Variants in LARP6 observed in about 807,000 individuals in gnomAD.
LARP6 encodes the protein la-related protein 6.
In LARP6, 18 loss-of-function variants were observed where a neutral mutation model predicts 32.8. That is an observed-to-expected ratio of 0.55 (90% CI 0.38 to 0.81). LARP6 has a LOEUF of 0.81. Among genes scored for constraint, LARP6 ranks in the 40% least tolerant of loss-of-function variants. LARP6 has a pLI of 0.00. For synonymous variants in LARP6, 289 were observed against 267.2 expected, an observed-to-expected ratio of 1.08 and a Z score of -0.80; for missense variants, 598 against 663.1, an observed-to-expected ratio of 0.90 and a Z score of 1.08.
In LARP6 at chr15:70,849,383, A is replaced by ACAAT. The variant is rs966553276; in HGVS notation, c.200+4505_200+4506insATTG. 15 of 156,890 alleles carry ACAAT rather than the reference A, an allele frequency of 9.6e-5. 1 individual carries two copies. Among genetic ancestry groups the ACAAT allele is most frequent in the Admixed American group, 1.3e-4 (2 of 15,354 alleles). 9.7% of individuals were successfully genotyped at this position (156,890 alleles called of 1,614,324 possible). On this transcript the variant is annotated intron_variant, in intron 1 of 2. Transcript: ENST00000299213. ...AAAAACAAAACAAACAAACAAACAA[A>ACAAT]CAAACAAAAAAATATATATATATTT...
chr15:70,832,656 A>G lies in LARP6; in HGVS notation c.872T>C (p.Ile291Thr), dbSNP rs1250776733. 3.7e-6 allele frequency: 6 copies of G among 1,609,870 alleles called. No individual in the cohort carries two copies. Among genetic ancestry groups the G allele is most frequent in the East Asian group, 2.2e-5 (1 of 44,852 alleles). The change falls in exon 3 of 3, where the codon ATT (isoleucine) becomes ACT (threonine). Residue 291 changes from isoleucine (I) to threonine (T), a missense_variant. Physicochemically the swap from Ile to Thr is moderately conservative, Grantham distance 89. Around this residue, in one of 3 missense-constraint regions of LARP6, gnomAD observed 368 missense variants for 397.9 expected, o/e 0.92. Transcript: ENST00000299213. Reference protein sequence around the residue: ...QGKENMKAVLIGMKPPKKKPA... With the variant: ...QGKENMKAVLTGMKPPKKKPA... ...TTTCTTTTTGGGTGGCTTCATACCA[A>G]TCAGGACAGCTTTCATGTTCTCTTT...
chr15:70,848,291 G>A (rs936104035), intron 1 of LARP6, among the ~76,000 whole-genome samples: 5 of 152,182 alleles, frequency 3.3e-5, no homozygotes, highest in African/African-American at 4.8e-5. Context: ...CTTCTGCCAT[G>A]CTGTTCTGGC....
At chr15:70,838,443 C>T (rs935583285) in intron 1 of LARP6, among the ~76,000 whole-genome samples, 57 of 152,150 alleles carry the variant, frequency 3.7e-4, no homozygotes, top group African/African-American at 1.4e-3. Flanking sequence ...AAACTCAAAT[C>T]CTCTGTCTCC....
In LARP6 at chr15:70,830,675, A is replaced by G. The variant is rs1203678273; in HGVS notation, c.*1377T>C. The G allele has an allele frequency of 1.3e-5, 2 of 152,232 alleles. No individual in the cohort carries two copies. Among genetic ancestry groups the G allele is most frequent in the African/African-American group, 2.4e-5 (1 of 41,466 alleles). The allele number at this position is 152,232 out of a possible 1,614,324, so 9.4% of individuals were successfully genotyped here. ...CTCTTGTAGTTTTTGGGCAGATTAAATGAGATAATGCATGGAAAGCTCTTA... is the reference window on the plus strand; with the variant it reads ...CTCTTGTAGTTTTTGGGCAGATTAAGTGAGATAATGCATGGAAAGCTCTTA... On this transcript the variant is annotated 3_prime_UTR_variant, in exon 3 of 3. Coordinates refer to ENST00000299213, the MANE Select transcript of LARP6 (RefSeq NM_018357.4).
At chr15:70,850,654 G>T (rs535570702) in intron 1 of LARP6, among the ~76,000 whole-genome samples, 1 of 152,276 alleles carries the variant, frequency 6.6e-6, no homozygotes, top group African/African-American at 2.4e-5. Flanking sequence ...CTCCTTAATC[G>T]AATGGTCAAA....
Position 70,854,021 on chromosome 15 carries a change from T to G in LARP6, c.68A>C (p.Gln23Pro). 2 of 1,455,394 alleles carry G rather than the reference T, an allele frequency of 1.4e-6. No individual in the cohort carries two copies. Among genetic ancestry groups the G allele is most frequent in the Non-Finnish European group, 9.1e-7 (1 of 1,097,786 alleles). 90.2% of individuals were successfully genotyped at this position (1,455,394 alleles called of 1,614,324 possible). A position where few individuals can be genotyped will look rare whatever the true frequency, so the allele number is the denominator to read the frequency against. The change falls in exon 1 of 3, where the codon CAG becomes CCG. Residue 23 changes from glutamine to proline, a missense_variant. Gln to Pro is a moderately conservative substitution (Grantham distance 76). This residue lies in a region of LARP6 where 161 missense variants were observed against 148.6 expected (regional missense o/e 1.08). Coordinates refer to ENST00000299213, the MANE Select transcript of LARP6 (RefSeq NM_018357.4). Reference protein sequence around the residue: ...KTAVQIRVAIQEAEDVDELED... With the variant: ...KTAVQIRVAIPEAEDVDELED... ...CAACTCGTCCACGTCCTCGGCCTCC[T>G]GGATGGCGACGCGGATCTGCACCGC...
chr15:70,853,691 G>C (rs545371462), intron 1 of LARP6, among the ~76,000 whole-genome samples, 198 bp downstream of exon 1: 82 of 152,252 alleles, frequency 5.4e-4, no homozygotes, highest in Middle Eastern at 6.8e-3. Context: ...GTTGGGCGAC[G>C]AAGCTGCGGG....
chr15:70,832,937 C>T lies in LARP6; in HGVS notation c.591G>A (p.Leu197=), dbSNP rs770505926. Residue 197 remains leucine (L), a synonymous_variant, in exon 3 of 3, where the codon CTG becomes CTA. Coordinates refer to ENST00000299213, the MANE Select transcript of LARP6 (RefSeq NM_018357.4). The part of the protein sequence containing the change: ...LVYDLYLSPK[L]WALATPQKNG... ...TCTTCTGGGGGGTGGCCAGAGCCCA[C>T]AGCTTAGGAGACAAGTAGAGATCAT... 1.2e-5 allele frequency: 19 copies of T among 1,603,504 alleles called. 1 individual carries two copies. The highest frequency in any genetic ancestry group is 2.2e-5 in the South Asian group (2 of 89,368).
intron 2 of LARP6, among the ~76,000 whole-genome samples, chr15:70,835,297 C>T (rs2032126537): frequency 6.6e-6 from 1 of 152,216 alleles, no homozygotes; most frequent in East Asian, 1.9e-4. Context: ...TGTGTTCTCT[C>T]TTTTGTCCTA....
Position 70,832,881 on chromosome 15 carries a change from T to G in LARP6, c.647A>C (p.His216Pro). The stretch of plus-strand genomic sequence containing the variant: ...AAAAGTCCCAAAAAGCTTGAGCAGG[T>G]GTTCCATCACCTTCTCTTGCACCCT... ...NGRVQEKVMEHLLKLFGTFGV... is the reference protein window; with the variant it reads ...NGRVQEKVMEPLLKLFGTFGV... Residue 216 changes from histidine to proline, a missense_variant, in exon 3 of 3, where the codon CAC becomes CCC. Transcript: ENST00000299213. 1 of 1,609,342 alleles carries G rather than the reference T, an allele frequency of 6.2e-7. No homozygotes were observed. Among genetic ancestry groups the G allele is most frequent in the Non-Finnish European group, 8.5e-7 (1 of 1,178,190 alleles).
chr15:70,851,893 C>A (rs951788767), intron 1 of LARP6: 4 of 1,010,228 alleles, frequency 4.0e-6, no homozygotes, highest in East Asian at 5.4e-5. Flanking sequence ...ATCAGTCAAT[C>A]AGAGGACCTA....
chr15:70,837,498 A>G (rs918539998), intron 1 of LARP6, among the ~76,000 whole-genome samples: 2 of 152,126 alleles, frequency 1.3e-5, no homozygotes, highest in African/African-American at 4.8e-5. Context: ...TCTCTACTCC[A>G]TCCCCTCAAA....
intron 2 of LARP6, 93 bp downstream of exon 2, chr15:70,836,202 A>G: frequency 9.9e-7 from 1 of 1,005,234 alleles, no homozygotes; most frequent in East Asian, 2.4e-5. Context: ...ATTGTTCGTC[A>G]TCAGGTTTCA....
At chr15:70,833,991 G>A (rs2032102418) in intron 2 of LARP6, among the ~76,000 whole-genome samples, 1 of 152,186 alleles carries the variant, frequency 6.6e-6, no homozygotes, top group African/African-American at 2.4e-5. Flanking sequence ...CCCACTTCCG[G>A]TGAAGGGAAT....
Position 70,836,525 on chromosome 15 carries a change from C to T in LARP6, c.201-20G>A, listed in dbSNP as rs1308148239. The T allele has an allele frequency of 1.2e-6, 2 of 1,607,598 alleles. No homozygotes were observed. Among genetic ancestry groups the T allele is most frequent in the African/African-American group, 2.7e-5 (2 of 74,786 alleles). ...GTGCCACTGAGACCAGAAGGAGACA[C>T]CGGGTGTTAGGGTCAACGTTGAACT... On this transcript the variant is annotated intron_variant, in intron 1 of 2. Transcript: ENST00000299213.
rs148320872 is a variant in LARP6 at position 70,831,896 on chromosome 15, G to A, written c.*156C>T. On this transcript the variant is annotated 3_prime_UTR_variant, in exon 3 of 3. Coordinates refer to ENST00000299213, the MANE Select transcript of LARP6 (RefSeq NM_018357.4). ...GGTGGTCTTCAAACCATGGCGTACC[G>A]ATTTATGTATATTACAGATAGATAA... is the stretch of plus-strand genomic sequence containing the variant. 7.9e-4 allele frequency: 395 copies of A among 499,750 alleles called. 1 individual carries two copies. Among genetic ancestry groups the A allele is most frequent in the Non-Finnish European group, 1.1e-3 (312 of 290,348 alleles). The allele number at this position is 499,750 out of a possible 1,614,324, so 31.0% of individuals were successfully genotyped here.
chr15:70,843,556 G>A (rs763827879), intron 1 of LARP6, among the ~76,000 whole-genome samples: 8 of 151,696 alleles, frequency 5.3e-5, no homozygotes, highest in Non-Finnish European at 8.8e-5. Flanking sequence ...AGTATTTGGG[G>A]TCACTTATGA....
chr15:70,837,534 C>T (rs2032170327), intron 1 of LARP6, among the ~76,000 whole-genome samples: 1 of 152,182 alleles, frequency 6.6e-6, no homozygotes, highest in African/African-American at 2.4e-5. Context: ...GACAGTATAG[C>T]AGAGTTACTT....
intron 1 of LARP6, among the ~76,000 whole-genome samples, chr15:70,837,439 G>A (rs1034512627): frequency 3.9e-5 from 6 of 152,012 alleles, no homozygotes; most frequent in Admixed American, 6.6e-5. Context: ...TATATGTGGC[G>A]CTCTGCCACG....
Sources: gnomAD v4.1 joint callset for allele counts (sites outside exome capture counted in the v4.1 genomes callset) on GRCh38, gnomAD v4.1.1 for gene constraint, gnomAD v4.1.1 regional missense constraint, MANE v1.5 for transcripts, NCBI Gene and HGNC (gene_info 2026-07-23, HGNC 2026-07-21) for gene names.